Variants in CERT1 observed in about 807,000 individuals in gnomAD.
The protein encoded by CERT1 is ceramide transfer protein.
CERT1 carries 31 observed loss-of-function variants against 87.9 expected under a neutral mutation model. The ratio of observed to expected loss-of-function variants is 0.35; its 90% CI spans 0.27 to 0.48. The LOEUF is 0.48. CERT1 is among the 20% of genes least tolerant of loss of function. The pLI is 0.99. For missense variants in CERT1, 487 were observed against 758.0 expected (o/e 0.64, Z 4.20); for synonymous variants, 289 against 250.9 (o/e 1.15, Z -1.44).
intron 2 of CERT1, among the ~76,000 whole-genome samples, chr5:75,473,273 G>C (rs762514301): frequency 1.6e-4 from 25 of 152,094 alleles, no homozygotes; most frequent in African/African-American, 5.8e-4. Context: ...GTAGGGACAG[G>C]GTCTTGCTAT....
chr5:75,483,391 C>T (rs1227938009), intron 2 of CERT1, among the ~76,000 whole-genome samples: 2 of 151,710 alleles, frequency 1.3e-5, no homozygotes, highest in Non-Finnish European at 2.9e-5. Flanking sequence ...TACAAAATAC[C>T]CCCAAAAGGG....
intron 3 of CERT1, among the ~76,000 whole-genome samples, chr5:75,457,959 ATGTGTG>A (rs10549096): frequency 4.0e-4 from 59 of 146,814 alleles, no homozygotes; most frequent in African/African-American, 7.9e-4. Flanking sequence ...CCTGTTAAAA[ATGTGTG>A]TGTGTGTGTG....
In CERT1 at chr5:75,395,512, T is replaced by C. The variant is rs573589604; in HGVS notation, c.1188+3798A>G. Reference sequence around the variant, plus strand: ...AGGTCAGGTTACAGAGCTATGATCATGCCACTGCACTTGGCCTGGACAAGT... The same window carrying C: ...AGGTCAGGTTACAGAGCTATGATCACGCCACTGCACTTGGCCTGGACAAGT... On this transcript the variant is annotated intron_variant, in intron 11 of 16. Transcript: ENST00000643780. 5.9e-5 allele frequency among the ~76,000 whole-genome samples: 8 copies of C among 134,780 alleles called. No homozygotes were observed. In the South Asian group the frequency reaches 1.6e-3, roughly 27 times the overall value. The allele number at this position is 134,780 out of a possible 152,430, so 88.4% of individuals were successfully genotyped here.
intron 3 of CERT1, among the ~76,000 whole-genome samples, chr5:75,433,769 G>A (rs897465928): frequency 1.3e-5 from 2 of 152,138 alleles, no homozygotes; most frequent in Admixed American, 6.5e-5. Context: ...TGATCCTTCT[G>A]CTTCAGCTTC....
At chr5:75,400,547 C>T in intron 9 of CERT1, 1 of 387,584 alleles carries the variant, frequency 2.6e-6, no homozygotes, top group Non-Finnish European at 4.6e-6. Flanking sequence ...TGATTTTGCT[C>T]CTAGTCAGAC....
intron 3 of CERT1, among the ~76,000 whole-genome samples, chr5:75,456,648 A>G (rs1472969328): frequency 6.9e-6 from 1 of 145,838 alleles, no homozygotes; most frequent in Non-Finnish European, 1.5e-5. Context: ...GCTGGGTGAC[A>G]AAGTGACCTC....
chr5:75,490,499 A>G (rs542316444), intron 2 of CERT1, among the ~76,000 whole-genome samples: 2 of 147,502 alleles, frequency 1.4e-5, no homozygotes, highest in East Asian at 2.0e-4. Flanking sequence ...CGAAATTTTT[A>G]TTTATTTATT....
chr5:75,379,588 C>CA (rs1761474160), intron 16 of CERT1, 115 bp from the exon 17 acceptor site: 4 of 865,488 alleles, frequency 4.6e-6, no homozygotes, highest in Non-Finnish European at 6.8e-6. Flanking sequence ...CAATTAGCAT[C>CA]TTTTTTTTTT....
At chr5:75,410,835 A>G (rs1356196650) in intron 8 of CERT1, 176 bp downstream of exon 8, 3 of 404,524 alleles carry the variant, frequency 7.4e-6, no homozygotes, top group Non-Finnish European at 8.6e-6. Context: ...TAAGAAATAT[A>G]TATTTGAGCA....
intron 2 of CERT1, among the ~76,000 whole-genome samples, chr5:75,477,647 T>TAAAAAAAAAAAAAAAAAAAAAAAAA (rs540588442): frequency 5.6e-5 from 5 of 89,516 alleles, no homozygotes; most frequent in Non-Finnish European, 1.1e-4. Flanking sequence ...TAATAAGTTG[T>TAAAAAAAAAAAAAAAAAAAAAAAAA]AAAAAAAAAA....
At chr5:75,420,133 C>G (rs1763307941) in intron 5 of CERT1, among the ~76,000 whole-genome samples, 1 of 151,084 alleles carries the variant, frequency 6.6e-6, no homozygotes, top group Non-Finnish European at 1.5e-5. Context: ...CGTGCCACCA[C>G]AGCCAGCTAA....
intron 9 of CERT1, chr5:75,401,588 A>G (rs1762473737): frequency 6.6e-6 from 1 of 152,234 alleles, no homozygotes; most frequent in Non-Finnish European, 1.5e-5. Context: ...CCAAAAGTAG[A>G]GCCCATTTAG....
chr5:75,459,303 T>G (rs1442376624), intron 2 of CERT1, 122 bp from the exon 3 acceptor site: 1 of 610,466 alleles, frequency 1.6e-6, no homozygotes, highest in Non-Finnish European at 2.9e-6. Context: ...ACTTTTTATT[T>G]TTCTGCTCAA....
intron 2 of CERT1, among the ~76,000 whole-genome samples, chr5:75,463,263 T>C (rs1389317908): frequency 6.6e-6 from 1 of 152,168 alleles, no homozygotes; most frequent in East Asian, 1.9e-4. Flanking sequence ...CTCAAGGTTT[T>C]TGCATTACCA....
intron 8 of CERT1, among the ~76,000 whole-genome samples, chr5:75,407,762 C>T (rs905336611): frequency 2.6e-5 from 4 of 151,832 alleles, no homozygotes; most frequent in Non-Finnish European, 4.4e-5. Flanking sequence ...AAGCCAGTGC[C>T]CTTATACAAA....
chr5:75,437,671 C>A (rs1480173920), intron 3 of CERT1, among the ~76,000 whole-genome samples: 1 of 150,548 alleles, frequency 6.6e-6, no homozygotes, highest in Non-Finnish European at 1.5e-5. Context: ...GAGGCTGAGG[C>A]AGGAGACTCG....
intron 3 of CERT1, among the ~76,000 whole-genome samples, chr5:75,429,996 A>G (rs1763802047): frequency 6.6e-6 from 1 of 152,046 alleles, no homozygotes. Flanking sequence ...CCCCAACATC[A>G]ATAATCAGAT....
At chr5:75,374,414 G>T, downstream of CERT1, 1 of 561,820 alleles carries the variant, frequency 1.8e-6, no homozygotes, top group South Asian at 2.3e-5. Context: ...TTTTTCAAAA[G>T]TTAGAAAAAA....
chr5:75,386,183 A>G, intron 12 of CERT1, 149 bp from the exon 13 acceptor site: 1 of 551,750 alleles, frequency 1.8e-6, no homozygotes, highest in South Asian at 9.2e-5. Context: ...TAAAAATTTC[A>G]AATTAACAGA....
Sources: gnomAD v4.1 joint callset for allele counts (sites outside exome capture counted in the v4.1 genomes callset) on GRCh38, gnomAD v4.1.1 for gene constraint, MANE v1.5 for transcripts, NCBI Gene and HGNC (gene_info 2026-07-23, HGNC 2026-07-21) for gene names.